Variants in PSD3 observed in about 807,000 individuals in gnomAD.
The protein encoded by PSD3 is PH and SEC7 domain-containing protein 3.
Under a neutral mutation model 105.5 loss-of-function variants are expected in PSD3, and 49 were observed. The observed-to-expected ratio is 0.46, with a 90% confidence interval of 0.37 to 0.59. The LOEUF (loss-of-function observed/expected upper bound fraction) is 0.59, where lower values mean the gene tolerates loss of function less well. Among genes scored for constraint, PSD3 ranks in the 20% least tolerant of loss-of-function variants. The probability of loss-of-function intolerance (pLI) is 0.00; values close to 1 mark genes in which losing one functional copy is unlikely to be tolerated. For synonymous variants in PSD3, 557 were observed against 457.8 expected (o/e 1.22, Z -2.77); for missense variants, 1,561 against 1,263.8 (o/e 1.24, Z -3.57).
chr8:19,026,701 C>CAAAA lies in PSD3; in HGVS notation c.324+57501_324+57504dup, dbSNP rs10669321. Among the ~76,000 whole-genome samples the CAAAA allele has an allele frequency of 7.9e-3, 648 of 82,150 alleles. 33 individuals are homozygous for CAAAA. Among genetic ancestry groups the CAAAA allele is most frequent in the African/African-American group, 0.023 (536 of 23,416 alleles). The allele number at this position is 82,150 out of a possible 152,430, so 53.9% of individuals were successfully genotyped here. ...GCAACATAGCAAGACCACATCTCTA[C>CAAAA]AAAAAAAAAAAAAAAAAAAAAAATG... On this transcript the variant is annotated intron_variant, in intron 1 of 1. Transcript: ENST00000521475.
chr8:18,567,325 T>C (rs1288269698), intron 14 of PSD3, among the ~76,000 whole-genome samples: 1 of 152,130 alleles, frequency 6.6e-6, no homozygotes, highest in Non-Finnish European at 1.5e-5. Context: ...TCGTGTAATG[T>C]GATTTACCTT....
At position 18,582,819 on chromosome 8, in the gene PSD3, T is replaced by TTTTTTC. The variant is rs1802905059; in HGVS notation, c.2482-7535_2482-7534insGAAAAA. On this transcript the variant is annotated intron_variant, in intron 12 of 15. Coordinates refer to ENST00000327040, the MANE Select transcript of PSD3 (RefSeq NM_015310.4). ...TCCAACCTGCAGCCACACTGATCTT[T>TTTTTTC]TTTTTTTTTTTTTTTTTTTTTTTTG... 2.1e-4 allele frequency among the ~76,000 whole-genome samples: 2 copies of TTTTTTC among 9,746 alleles called. 1 individual carries two copies. The highest frequency in any genetic ancestry group is 0.071 in the South Asian group (2 of 28). 6.4% of individuals were successfully genotyped at this position (9,746 alleles called of 152,430 possible).
chr8:18,779,625 T>A (rs563999539), intron 8 of PSD3, among the ~76,000 whole-genome samples: 174 of 152,294 alleles, frequency 1.1e-3, no homozygotes, highest in Middle Eastern at 3.4e-3. Flanking sequence ...CCCACATATT[T>A]TGATATGTTG....
chr8:18,835,639 T>C (rs1471808194), intron 4 of PSD3, among the ~76,000 whole-genome samples: 1 of 152,202 alleles, frequency 6.6e-6, no homozygotes, highest in South Asian at 2.1e-4. Flanking sequence ...AAAAGAGTTA[T>C]AATTTTAGAA....
At chr8:18,914,186 C>CT (rs1247922043) in intron 2 of PSD3, among the ~76,000 whole-genome samples, 1 of 134,134 alleles carries the variant, frequency 7.5e-6, no homozygotes, top group African/African-American at 2.9e-5. Flanking sequence ...ATTCAACACC[C>CT]TTTCATGATA....
intron 9 of PSD3, among the ~76,000 whole-genome samples, chr8:18,749,306 T>C (rs1232380835): frequency 6.6e-6 from 1 of 152,214 alleles, no homozygotes; most frequent in Admixed American, 6.5e-5. Context: ...ACTCCAGCTC[T>C]ATAGCACCCA....
At chr8:18,538,433 ACGC>A (rs1239485299) in intron 15 of PSD3, among the ~76,000 whole-genome samples, 3 of 152,296 alleles carry the variant, frequency 2.0e-5, no homozygotes, top group Admixed American at 6.5e-5. Context: ...AAGATTCTAA[ACGC>A]CTCTTCATTT....
At position 19,069,738 on chromosome 8, in the gene PSD3, C is replaced by T. The variant is rs183026317; in HGVS notation, c.324+14468G>A. On this transcript the variant is annotated intron_variant, in intron 1 of 1. Coordinates refer to the PSD3 transcript ENST00000521475. Reference sequence around the variant, plus strand: ...AGGCTCAGAGAAGTTAAGGAATTTGCCCTGAATCACTCAGCTAGCTGGACT... The same window carrying T: ...AGGCTCAGAGAAGTTAAGGAATTTGTCCTGAATCACTCAGCTAGCTGGACT... 4.8e-4 allele frequency among the ~76,000 whole-genome samples: 73 copies of T among 152,214 alleles called. 1 individual carries two copies. Among genetic ancestry groups the T allele is most frequent in the African/African-American group, 1.7e-3 (71 of 41,528 alleles).
chr8:18,938,641 A>T (rs1438217950), intron 1 of PSD3, among the ~76,000 whole-genome samples: 2 of 152,028 alleles, frequency 1.3e-5, no homozygotes, highest in Non-Finnish European at 2.9e-5. Context: ...AAAAAAAAAA[A>T]AAAAGAGGGA....
chr8:19,023,752 T>C (rs1288307792), intron 1 of PSD3, among the ~76,000 whole-genome samples: 1 of 152,162 alleles, frequency 6.6e-6, no homozygotes, highest in Non-Finnish European at 1.5e-5. Context: ...ATTTAGACAT[T>C]GCAGCTCTAG....
upstream of PSD3, among the ~76,000 whole-genome samples, chr8:19,015,975 G>C (rs770359582): frequency 4.6e-5 from 7 of 152,186 alleles, no homozygotes; most frequent in African/African-American, 7.2e-5. Context: ...AATAATCAAA[G>C]ATAAAATGGT....
chr8:18,958,070 G>C (rs548027268), intron 1 of PSD3, among the ~76,000 whole-genome samples: 11 of 152,182 alleles, frequency 7.2e-5, no homozygotes, highest in African/African-American at 2.7e-4. Flanking sequence ...AAGGTACAAT[G>C]ATGTTCATTT....
chr8:18,565,469 A>G (rs1801680521), intron 14 of PSD3, among the ~76,000 whole-genome samples: 1 of 152,210 alleles, frequency 6.6e-6, no homozygotes, highest in South Asian at 2.1e-4. Flanking sequence ...GCAATAATCA[A>G]TTTTAATGAT....
chr8:19,077,674 T>C (rs1440424329), intron 1 of PSD3, among the ~76,000 whole-genome samples: 1 of 152,230 alleles, frequency 6.6e-6, no homozygotes, highest in African/African-American at 2.4e-5. Flanking sequence ...ATACATTTTA[T>C]AGCTTTTGGG....
chr8:18,860,085 T>C (rs1816323849), intron 4 of PSD3, among the ~76,000 whole-genome samples: 1 of 152,158 alleles, frequency 6.6e-6, no homozygotes, highest in Non-Finnish European at 1.5e-5. Context: ...CATTTGAACA[T>C]TTAGAGGCAT....
chr8:18,765,410 A>G lies in PSD3; in HGVS notation c.2172+39T>C, dbSNP rs1367203838. 2.0e-6 allele frequency: 3 copies of G among 1,510,448 alleles called. No individual in the cohort carries two copies. The African/African-American group carries it at 4.1e-5, about 21-fold the overall frequency. The allele number at this position is 1,510,448 out of a possible 1,614,324, so 93.6% of individuals were successfully genotyped here. Reference sequence around the variant, plus strand: ...ATTAAGCTGTAAGCAGCAAACAGAAATACAAGCATACACTAAAAACCAATA... The same window carrying G: ...ATTAAGCTGTAAGCAGCAAACAGAAGTACAAGCATACACTAAAAACCAATA... On this transcript the variant is annotated intron_variant, in intron 9 of 15. Coordinates refer to ENST00000327040, the MANE Select transcript of PSD3 (RefSeq NM_015310.4).
intron 8 of PSD3, among the ~76,000 whole-genome samples, chr8:18,798,885 A>C (rs1810426158): frequency 6.6e-6 from 1 of 152,190 alleles, no homozygotes; most frequent in South Asian, 2.1e-4. Context: ...TGAGGGGCAC[A>C]AGAAAGGCTG....
intron 9 of PSD3, among the ~76,000 whole-genome samples, chr8:18,658,427 A>G (rs1585528297): frequency 6.6e-6 from 1 of 152,172 alleles, no homozygotes; most frequent in Non-Finnish European, 1.5e-5. Context: ...CGTGTAGCCT[A>G]GACGTCATAG....
chr8:18,632,666 T>C lies in PSD3; in HGVS notation c.2357A>G (p.Tyr786Cys), dbSNP rs1012730839. The change falls in exon 11 of 16, where the codon TAC becomes TGC. Residue 786 changes from tyrosine (Y) to cysteine (C), a missense_variant. Coordinates refer to ENST00000327040, the MANE Select transcript of PSD3 (RefSeq NM_015310.4). ...TTTCCGAGCCAAGAATCCACTTTTG[T>C]ACACAGCAGCATTTGGATCATGAGG... ...DIPHDPNAAV[Y>C]KSGFLARKIH... 6.2e-7 allele frequency: 1 copy of C among 1,612,688 alleles called. No homozygotes were observed. Among genetic ancestry groups the C allele is most frequent in the Non-Finnish European group, 8.5e-7 (1 of 1,179,148 alleles).
Sources: gnomAD v4.1 joint callset for allele counts (sites outside exome capture counted in the v4.1 genomes callset) on GRCh38, gnomAD v4.1.1 for gene constraint, MANE v1.5 for transcripts, NCBI Gene and HGNC (gene_info 2026-07-23, HGNC 2026-07-21) for gene names.